RASA3: variants seen among roughly 807,000 people sequenced by gnomAD.
RASA3 encodes the protein RAS p21 protein activator 3, also known as ras GTPase-activating protein 3.
RASA3 carries 73 observed loss-of-function variants against 110.0 expected under a neutral mutation model. That is an observed-to-expected ratio of 0.66 (90% CI 0.55 to 0.81). RASA3 has a LOEUF of 0.81. RASA3 is among the 30% of genes least tolerant of loss of function. The pLI is 0.00. For synonymous variants in RASA3, 500 were observed against 451.4 expected, an observed-to-expected ratio of 1.11 and a Z score of -1.37; for missense variants, 976 against 1,113.2, an observed-to-expected ratio of 0.88 and a Z score of 1.75.
Position 114,057,865 on chromosome 13 carries a change from G to T in RASA3, c.174-5710C>A, listed in dbSNP as rs1020135270. Among the ~76,000 whole-genome samples the T allele has an allele frequency of 4.6e-5, 7 of 152,196 alleles. No individual in the cohort carries two copies. The highest frequency in any genetic ancestry group is 1.7e-4 in the African/African-American group (7 of 41,446). On this transcript the variant is annotated intron_variant, in intron 2 of 23. Transcript: ENST00000334062. This position sits in a 1 kb window ranked among gnomAD's most constrained non-coding sequence, Gnocchi z 5.0. ...ATGGCTTCCCTGGGGTGCGGGCTCG[G>T]CCTGCAGGATGGAGGCTGGAGAGCT...
chr13:114,087,706 C>T (rs779540108), intron 1 of RASA3, among the ~76,000 whole-genome samples: 36 of 152,356 alleles, frequency 2.4e-4, no homozygotes, highest in Admixed American at 5.9e-4. Flanking sequence ...GCAGGGCGCC[C>T]GCCCGACACC....
chr13:114,009,537 G>A (rs191647692), intron 16 of RASA3, 73 bp from the exon 17 acceptor site: 228 of 1,040,466 alleles, frequency 2.2e-4, no homozygotes, highest in Middle Eastern at 1.2e-3. Context: ...GAAAAAGCTA[G>A]AGGCAAGAAC....
In RASA3 at chr13:114,052,169, G is replaced by C; in HGVS notation, c.174-14C>G. ...CCGTAAAACGGGCTAGTGAGACAAA[G>C]AAAAGCGCCAGTTAGAACACAGGCC... is the stretch of plus-strand genomic sequence containing the variant. On this transcript the variant is annotated splice_polypyrimidine_tract_variant and intron_variant, in intron 2 of 23. Transcript: ENST00000334062. The C allele has an allele frequency of 1.3e-6, 2 of 1,585,014 alleles. No individual in the cohort carries two copies. Among genetic ancestry groups the C allele is most frequent in the Non-Finnish European group, 8.7e-7 (1 of 1,155,388 alleles).
chr13:114,009,316 C>T, intron 17 of RASA3, 71 bp downstream of exon 17: 7 of 1,276,884 alleles, frequency 5.5e-6, no homozygotes, highest in Admixed American at 1.8e-5. Context: ...TGGGTTCTAT[C>T]TCAATTTTAA....
Position 114,010,152 on chromosome 13 carries a change from T to C in RASA3, c.1591-688A>G, listed in dbSNP as rs146932650. On this transcript the variant is annotated intron_variant, in intron 16 of 23. Transcript: ENST00000334062. ...GTGCACCTCGGCCTGCCTGCGAGTG[T>C]GGCACATCTTTTACTCACTCGGACT... is the stretch of plus-strand genomic sequence containing the variant. Among the ~76,000 whole-genome samples the C allele has an allele frequency of 1.6e-3, 242 of 152,240 alleles. 2 individuals are homozygous for C. Among genetic ancestry groups the C allele is most frequent in the African/African-American group, 5.8e-3 (239 of 41,536 alleles).
intron 21 of RASA3, 113 bp downstream of exon 21, chr13:113,996,418 G>A (rs2053258039): frequency 3.5e-6 from 4 of 1,130,010 alleles, no homozygotes; most frequent in African/African-American, 3.1e-5. Flanking sequence ...GGGCAGCCCT[G>A]TTTATGTGCA....
intron 7 of RASA3, among the ~76,000 whole-genome samples, chr13:114,024,803 G>A (rs1253181204): frequency 1.3e-5 from 2 of 152,242 alleles, no homozygotes; most frequent in African/African-American, 4.8e-5. Context: ...GAGGTCTGTG[G>A]AGCCTGAACC....
intron 3 of RASA3, among the ~76,000 whole-genome samples, chr13:114,047,899 CG>C (rs2079079746): frequency 6.6e-6 from 1 of 152,226 alleles, no homozygotes; most frequent in Non-Finnish European, 1.5e-5. Context: ...AGGAGTGTTC[CG>C]GGCTGTGGGA....
In RASA3 at chr13:114,007,888, A is replaced by T. The variant is rs114245161; in HGVS notation, c.1669-282T>A. ...AGGCCACCCAGGGGTGACTCTAAGC[A>T]GGGAATCTGGGTCCCGGTAGTGAGG... is the stretch of plus-strand genomic sequence containing the variant. On this transcript the variant is annotated intron_variant, in intron 17 of 23. Coordinates refer to ENST00000334062, the MANE Select transcript of RASA3 (RefSeq NM_007368.4). 8.5e-3 allele frequency among the ~76,000 whole-genome samples: 1,294 copies of T among 152,364 alleles called. 23 individuals carry two copies. The highest frequency in any genetic ancestry group is 0.029 in the African/African-American group (1,217 of 41,576).
At chr13:114,076,740 G>A (rs961155502) in intron 1 of RASA3, among the ~76,000 whole-genome samples, 3 of 151,872 alleles carry the variant, frequency 2.0e-5, no homozygotes, top group Non-Finnish European at 4.4e-5. Context: ...GGCTGCCCCT[G>A]AATTTGAGGG....
At chr13:114,007,402 G>C in intron 18 of RASA3, 131 bp downstream of exon 18, 1 of 152,414 alleles carries the variant, frequency 6.6e-6, no homozygotes, top group Non-Finnish European at 1.1e-5. Flanking sequence ...CTGCCCTGCT[G>C]GACGCCACCT....
At chr13:114,005,350 G>A (rs1331070832) in intron 18 of RASA3, among the ~76,000 whole-genome samples, 2 of 152,220 alleles carry the variant, frequency 1.3e-5, no homozygotes, top group Admixed American at 6.5e-5. Flanking sequence ...ACGGGCAGAC[G>A]TGTCAGTTAT....
At chr13:114,062,927 T>C (rs925712094) in intron 2 of RASA3, among the ~76,000 whole-genome samples, 30 of 152,146 alleles carry the variant, frequency 2.0e-4, no homozygotes, top group African/African-American at 6.5e-4. Context: ...GCCAGACGCT[T>C]CCACTGACAC....
At chr13:114,039,863 CCA>C (rs954726474) in intron 4 of RASA3, among the ~76,000 whole-genome samples, 15 of 152,208 alleles carry the variant, frequency 9.9e-5, no homozygotes, top group South Asian at 2.1e-4. Flanking sequence ...GGGGTGAGCC[CCA>C]GTCAGCACAC....
chr13:114,099,172 A>T (rs983327231), intron 1 of RASA3, among the ~76,000 whole-genome samples: 1 of 148,528 alleles, frequency 6.7e-6, no homozygotes, highest in Admixed American at 6.7e-5. Context: ...AGACCACAGC[A>T]GTCGGGGCCC....
chr13:114,023,180 G>A (rs2053961339), intron 8 of RASA3, among the ~76,000 whole-genome samples: 1 of 152,224 alleles, frequency 6.6e-6, no homozygotes, highest in South Asian at 2.1e-4. Flanking sequence ...TTGATGGCCA[G>A]CACATTCTCC....
chr13:114,119,560 C>T (rs1207594419), intron 1 of RASA3, among the ~76,000 whole-genome samples: 3 of 111,880 alleles, frequency 2.7e-5, no homozygotes, highest in Non-Finnish European at 5.7e-5. Flanking sequence ...GGGCCCCTCC[C>T]TCTCTCCAGC....
chr13:114,124,268 C>CT (rs2080417398), intron 1 of RASA3, among the ~76,000 whole-genome samples: 1 of 152,214 alleles, frequency 6.6e-6, no homozygotes, highest in Non-Finnish European at 1.5e-5. Flanking sequence ...TTCAGGGTGG[C>CT]TAGAGCTACA....
chr13:114,003,194 G>C (rs578059317), intron 18 of RASA3, among the ~76,000 whole-genome samples: 4 of 152,356 alleles, frequency 2.6e-5, no homozygotes, highest in African/African-American at 9.6e-5. Context: ...GCTGATCCAG[G>C]GGCTGGAAAC....
Sources: gnomAD v4.1 joint callset for allele counts (sites outside exome capture counted in the v4.1 genomes callset) on GRCh38, gnomAD v4.1.1 for gene constraint, Gnocchi (gnomAD v3.1) non-coding constraint, MANE v1.5 for transcripts, NCBI Gene and HGNC (gene_info 2026-07-23, HGNC 2026-07-21) for gene names.